Variants in GNB1 observed in about 807,000 individuals in gnomAD.
GNB1 encodes G protein subunit beta 1.
In GNB1, 2 loss-of-function variants were observed where a neutral mutation model predicts 42.9. That is an observed-to-expected ratio of 0.05 (90% confidence interval 0.02 to 0.15). GNB1 has a LOEUF of 0.15. Ranked by LOEUF, GNB1 falls within the 10% of genes least tolerant of loss-of-function variation. GNB1 has a pLI of 1.00. For missense variants in GNB1, 193 were observed against 462.2 expected (o/e 0.42, Z 5.34); for synonymous variants, 183 against 174.7 (o/e 1.05, Z -0.38).
chr1:1,855,198 G>A (rs1258547482), intron 1 of GNB1, among the ~76,000 whole-genome samples: 1 of 149,312 alleles, frequency 6.7e-6, no homozygotes, highest in Non-Finnish European at 1.5e-5. Context: ...GTGGATACCT[G>A]TAATCCCAGT....
intron 5 of GNB1, among the ~76,000 whole-genome samples, chr1:1,806,989 A>G (rs1489932747): frequency 2.0e-5 from 3 of 151,836 alleles, no homozygotes; most frequent in Non-Finnish European, 4.4e-5. Flanking sequence ...AGAAAGAAAG[A>G]AAGGAAAGGA....
At chr1:1,808,408 G>A (rs1456679253) in intron 5 of GNB1, among the ~76,000 whole-genome samples, 2 of 152,124 alleles carry the variant, frequency 1.3e-5, no homozygotes, top group Non-Finnish European at 2.9e-5. Context: ...TATGAATAAG[G>A]AGCAAAAGAA....
intron 1 of GNB1, among the ~76,000 whole-genome samples, chr1:1,868,712 G>A (rs1006451180): frequency 3.3e-5 from 5 of 151,904 alleles, no homozygotes; most frequent in Admixed American, 2.0e-4. Flanking sequence ...CCCAGGAGGC[G>A]GAGGTTGCAG....
chr1:1,794,955 T>A (rs1646527193), intron 7 of GNB1, among the ~76,000 whole-genome samples: 1 of 152,210 alleles, frequency 6.6e-6, no homozygotes, highest in Non-Finnish European at 1.5e-5. Context: ...CCCAAAGTGC[T>A]AGGATTACAG....
In GNB1 at chr1:1,786,442, A is replaced by G. The variant is rs1205665151; in HGVS notation, c.*621T>C. On this transcript the variant is annotated 3_prime_UTR_variant, in exon 12 of 12. Transcript: ENST00000378609. The stretch of plus-strand genomic sequence containing the variant: ...TCTTTTCTATGCCACGTTTGTGTGC[A>G]ACAATGATCTGTGACATCAGACAGA... The G allele has an allele frequency of 5.1e-6, 1 of 197,522 alleles. No individual in the cohort carries two copies. Among genetic ancestry groups the G allele is most frequent in the Non-Finnish European group, 1.0e-5 (1 of 97,998 alleles). The allele number at this position is 197,522 out of a possible 1,614,324, so 12.2% of individuals were successfully genotyped here.
intron 2 of GNB1, among the ~76,000 whole-genome samples, chr1:1,828,891 A>C (rs1156319753): frequency 1.6e-5 from 2 of 126,794 alleles, no homozygotes; most frequent in African/African-American, 5.8e-5. Flanking sequence ...ACACATACAC[A>C]CATACACACA....
Position 1,785,626 on chromosome 1 carries a change from T to G in GNB1, c.*1437A>C, listed in dbSNP as rs1002478976. 1 of 207,264 alleles carries G rather than the reference T, an allele frequency of 4.8e-6. No individual in the cohort carries two copies. Among genetic ancestry groups the G allele is most frequent in the South Asian group, 1.9e-4 (1 of 5,320 alleles). The allele number at this position is 207,264 out of a possible 1,614,324, so 12.8% of individuals were successfully genotyped here. The stretch of plus-strand genomic sequence containing the variant: ...ACAGAACCTGCTTTCCAAACGCTGC[T>G]GCTGAACACTGGCCTTGAAATGAAC... On this transcript the variant is annotated 3_prime_UTR_variant, in exon 12 of 12. Coordinates refer to ENST00000378609, the MANE Select transcript of GNB1 (RefSeq NM_002074.5).
rs575270922 is a variant in GNB1 at position 1,820,664 on chromosome 1, A to C, written c.58-2789T>G. ...CCTTTGATTTTAAAACATCATAAGAAAATTTAAAATGGAGAAAATAAAACA... is the reference window on the plus strand; with the variant it reads ...CCTTTGATTTTAAAACATCATAAGACAATTTAAAATGGAGAAAATAAAACA... On this transcript the variant is annotated intron_variant, in intron 3 of 11. Transcript: ENST00000378609. Among the ~76,000 whole-genome samples, 3 of 152,310 alleles carry C rather than the reference A, an allele frequency of 2.0e-5. No individual in the cohort carries two copies. The East Asian group carries it at 5.8e-4, about 29-fold the overall frequency.
intron 1 of GNB1, among the ~76,000 whole-genome samples, chr1:1,854,054 G>A (rs1389653898): frequency 3.3e-5 from 5 of 152,226 alleles, no homozygotes; most frequent in African/African-American, 7.2e-5. Context: ...AGGGGAGTCC[G>A]TAGGAAACAA....
intron 2 of GNB1, among the ~76,000 whole-genome samples, chr1:1,826,507 C>G (rs1647000426): frequency 6.6e-6 from 1 of 152,158 alleles, no homozygotes; most frequent in African/African-American, 2.4e-5. Context: ...GAGTGGCAAC[C>G]TGGCAACCAA....
chr1:1,835,922 G>GAAAAAAAAAAAA (rs59271649), intron 2 of GNB1, among the ~76,000 whole-genome samples: 45 of 88,626 alleles, frequency 5.1e-4, no homozygotes, highest in African/African-American at 7.5e-4. Context: ...ATTAAAAAAA[G>GAAAAAAAAAAAA]AAAAAAAAAA....
At chr1:1,831,311 T>C (rs1055468199) in intron 2 of GNB1, among the ~76,000 whole-genome samples, 1 of 152,164 alleles carries the variant, frequency 6.6e-6, no homozygotes, top group Non-Finnish European at 1.5e-5. Flanking sequence ...CACTCCAATC[T>C]GGGCAACAGA....
intron 3 of GNB1, among the ~76,000 whole-genome samples, chr1:1,822,613 C>A (rs1322482480): frequency 1.3e-5 from 2 of 152,150 alleles, no homozygotes; most frequent in Non-Finnish European, 2.9e-5. Flanking sequence ...CCGCGCCCGA[C>A]CTCTTTTTAC....
At chr1:1,874,056 T>C (rs543303385) in intron 1 of GNB1, among the ~76,000 whole-genome samples, 26 of 152,346 alleles carry the variant, frequency 1.7e-4, no homozygotes, top group Non-Finnish European at 2.6e-4. Flanking sequence ...TCTAGGTTAC[T>C]GGTCCCCAAG....
chr1:1,853,784 G>A (rs1205288476), intron 1 of GNB1, among the ~76,000 whole-genome samples: 2 of 152,190 alleles, frequency 1.3e-5, no homozygotes, highest in Admixed American at 6.5e-5. Context: ...GTCACTGTGA[G>A]AAAAGCATTT....
intron 1 of GNB1, among the ~76,000 whole-genome samples, chr1:1,867,196 G>A (rs977991301): frequency 1.3e-5 from 2 of 152,182 alleles, no homozygotes; most frequent in African/African-American, 4.8e-5. Flanking sequence ...GAACCTGGGA[G>A]GCAGAGGTTG....
chr1:1,861,110 CAAA>C (rs34626560), intron 1 of GNB1, among the ~76,000 whole-genome samples: 5 of 106,990 alleles, frequency 4.7e-5, no homozygotes, highest in African/African-American at 8.7e-5. Flanking sequence ...CTCTGTCTCA[CAAA>C]AAAAAAAAAA....
chr1:1,886,094 C>T (rs1290683147), intron 1 of GNB1, among the ~76,000 whole-genome samples: 1 of 151,422 alleles, frequency 6.6e-6, no homozygotes, highest in Non-Finnish European at 1.5e-5. Context: ...GGCAGATCAC[C>T]GGAGGTCAGG....
intron 5 of GNB1, among the ~76,000 whole-genome samples, chr1:1,812,465 G>A (rs997436610): frequency 6.6e-6 from 1 of 151,740 alleles, no homozygotes; most frequent in Non-Finnish European, 1.5e-5. Flanking sequence ...ACCTTAAAGA[G>A]GCAAACACTG....
Sources: gnomAD v4.1 joint callset for allele counts (sites outside exome capture counted in the v4.1 genomes callset) on GRCh38, gnomAD v4.1.1 for gene constraint, MANE v1.5 for transcripts, NCBI Gene and HGNC (gene_info 2026-07-23, HGNC 2026-07-21) for gene names.